The following RYR3 variants were observed in gnomAD, a reference collection of about 807,000 sequenced individuals.
The protein encoded by RYR3 is brain ryanodine receptor-calcium release channel.
A neutral mutation model predicts 584.3 loss-of-function variants in RYR3; 207 were observed. That is an observed-to-expected ratio of 0.35 (90% CI 0.32 to 0.40). The LOEUF (loss-of-function observed/expected upper bound fraction) is 0.40, where lower values mean the gene tolerates loss of function less well. RYR3 is among the 10% of genes least tolerant of loss of function. The pLI is 1.00. For missense variants in RYR3, 5,616 were observed against 6,089.2 expected, an observed-to-expected ratio of 0.92 and a Z score of 2.59; for synonymous variants, 2,416 against 2,248.5, an observed-to-expected ratio of 1.07 and a Z score of -2.11.
In RYR3 at chr15:33,676,038, G is replaced by A. The variant is rs576678293; in HGVS notation, c.5860+5482G>A. On this transcript the variant is annotated intron_variant, in intron 38 of 103. Coordinates refer to ENST00000634891, the MANE Select transcript of RYR3 (RefSeq NM_001036.6). ...AACCTGTGGATATGTTAGGTTAAAT[G>A]GTCAAAAAAAATGCAGATGGAATTA... Among the ~76,000 whole-genome samples the A allele has an allele frequency of 2.0e-5, 3 of 151,900 alleles. No individual in the cohort carries two copies. In the East Asian group the frequency reaches 5.8e-4, roughly 29 times the overall value.
At chr15:33,609,916 C>T (rs930750257) in intron 18 of RYR3, among the ~76,000 whole-genome samples, 2 of 152,150 alleles carry the variant, frequency 1.3e-5, no homozygotes, top group East Asian at 1.9e-4. Flanking sequence ...CAAACCTACA[C>T]ACTCTTCAAC....
At chr15:33,317,032 G>T (rs1968272471) in intron 1 of RYR3, among the ~76,000 whole-genome samples, 2 of 152,174 alleles carry the variant, frequency 1.3e-5, no homozygotes, top group African/African-American at 4.8e-5. Flanking sequence ...GGCCAGGTAG[G>T]CTCCTCCCAG....
At chr15:33,692,188 A>G (rs76601408) in intron 38 of RYR3, among the ~76,000 whole-genome samples, 8,071 of 152,140 alleles carry the variant, frequency 0.053, 513 homozygotes, top group African/African-American at 0.15. Context: ...TAACTTCTGG[A>G]CTCTGGTATG....
intron 38 of RYR3, among the ~76,000 whole-genome samples, chr15:33,675,998 C>A (rs973241649): frequency 3.3e-5 from 5 of 151,988 alleles, no homozygotes; most frequent in African/African-American, 1.2e-4. Context: ...AAGATGTTCA[C>A]ATCCCAATTC....
chr15:33,862,950 T>C (rs1597129888), intron 102 of RYR3, among the ~76,000 whole-genome samples: 5 of 152,250 alleles, frequency 3.3e-5, no homozygotes, highest in Non-Finnish European at 1.5e-5. Context: ...ATAACTTTAC[T>C]GTGCCCTTCC....
chr15:33,677,947 C>T lies in RYR3; in HGVS notation c.5860+7391C>T, dbSNP rs112224057. On this transcript the variant is annotated intron_variant, in intron 38 of 103. Transcript: ENST00000634891. ...GGAGGCTCCATATCCACTACGCCTT[C>T]TGGACACCACCTATTTATAGGAACT... Among the ~76,000 whole-genome samples the T allele has an allele frequency of 2.9e-3, 440 of 152,306 alleles. 2 individuals carry two copies. Among genetic ancestry groups the T allele is most frequent in the African/African-American group, 0.01 (428 of 41,568 alleles).
In RYR3 at chr15:33,390,163, A is replaced by C. The variant is rs1048689517; in HGVS notation, c.51+79067A>C. Among the ~76,000 whole-genome samples the C allele has an allele frequency of 1.3e-5, 2 of 152,250 alleles. No individual in the cohort carries two copies. Among genetic ancestry groups the C allele is most frequent in the African/African-American group, 4.8e-5 (2 of 41,458 alleles). On this transcript the variant is annotated intron_variant, in intron 1 of 103. Coordinates refer to ENST00000634891, the MANE Select transcript of RYR3 (RefSeq NM_001036.6). The surrounding 1 kb of genome is among the most constrained non-coding windows in gnomAD (Gnocchi z 4.2). ...TTCCAAGCAGAGTCTCGCTGCTGGG[A>C]GACAAGAAATGAAATCTCAGTTTTC... is the stretch of plus-strand genomic sequence containing the variant.
chr15:33,645,006 C>T (rs899224756), intron 28 of RYR3, among the ~76,000 whole-genome samples: 6 of 151,534 alleles, frequency 4.0e-5, no homozygotes, highest in African/African-American at 1.2e-4. Context: ...AGAGAGACCT[C>T]GTCTCTTGAA....
At chr15:33,604,026 G>T (rs1389663650) in intron 18 of RYR3, among the ~76,000 whole-genome samples, 1 of 152,200 alleles carries the variant, frequency 6.6e-6, no homozygotes, top group Non-Finnish European at 1.5e-5. Flanking sequence ...TTCTGCCTGG[G>T]TGAAAAACGC....
At chr15:33,782,378 C>G (rs898703862) in intron 65 of RYR3, among the ~76,000 whole-genome samples, 26 of 152,220 alleles carry the variant, frequency 1.7e-4, no homozygotes, top group African/African-American at 6.3e-4. Context: ...TGACTCCCCA[C>G]CATTGCATAT....
Position 33,756,370 on chromosome 15 carries a change from C to T in RYR3, c.8580C>T (p.Ala2860=). The part of the protein sequence containing the change: ...SPRDQEIKFF[A]KVLLPLVDQY... ...GTGACCAGGAGATCAAATTCTTTGC[C>T]AAAGTAAGTGGCCCTGCACTTAATC... The change falls in exon 59 of 104, where the codon GCC becomes GCT. Residue 2860 remains alanine, a synonymous_variant. Coordinates refer to ENST00000634891, the MANE Select transcript of RYR3 (RefSeq NM_001036.6). 1 of 1,570,956 alleles carries T rather than the reference C, an allele frequency of 6.4e-7. No individual in the cohort carries two copies. Among genetic ancestry groups the T allele is most frequent in the East Asian group, 2.3e-5 (1 of 42,956 alleles).
At chr15:33,499,993 A>C (rs570158756) in intron 2 of RYR3, among the ~76,000 whole-genome samples, 1 of 152,346 alleles carries the variant, frequency 6.6e-6, no homozygotes, top group East Asian at 1.9e-4. Context: ...AGTCATTGCA[A>C]TCTGTCTACA....
In RYR3 at chr15:33,508,598, T is replaced by C. The variant is rs187501514; in HGVS notation, c.279+4860T>C. On this transcript the variant is annotated intron_variant, in intron 3 of 103. Transcript: ENST00000634891. ...CTGGGAGGTGGAGCTTGCAGTGAGC[T>C]GAGATTGCACCACTGCACTCCAGAC... Among the ~76,000 whole-genome samples the C allele has an allele frequency of 5.9e-5, 9 of 152,222 alleles. No individual in the cohort carries two copies. In the East Asian group the frequency reaches 1.5e-3, roughly 26 times the overall value.
intron 12 of RYR3, among the ~76,000 whole-genome samples, chr15:33,567,626 G>A (rs962482984): frequency 1.3e-5 from 2 of 152,280 alleles, no homozygotes; most frequent in Non-Finnish European, 2.9e-5. Context: ...GTGGTTTAGG[G>A]AAAATAGGTG....
intron 38 of RYR3, among the ~76,000 whole-genome samples, chr15:33,680,377 C>T (rs768446848): frequency 1.3e-5 from 2 of 152,198 alleles, no homozygotes; most frequent in Non-Finnish European, 2.9e-5. Context: ...GTGAGTTTAG[C>T]GATGGAGCCA....
chr15:33,633,151 A>G lies in RYR3; in HGVS notation c.3027+43A>G, dbSNP rs371905289. 2,531 of 1,601,210 alleles carry G rather than the reference A, an allele frequency of 1.6e-3. 4 individuals carry two copies. The highest frequency in any genetic ancestry group is 2.0e-3 in the Non-Finnish European group (2,377 of 1,171,774). ...AGGCATGCTGGAAAACTTAGAAGAT[A>G]TGATCATCCACGTGCCGTTTTGCTT... On this transcript the variant is annotated intron_variant, in intron 24 of 103. Coordinates refer to ENST00000634891, the MANE Select transcript of RYR3 (RefSeq NM_001036.6).
intron 12 of RYR3, among the ~76,000 whole-genome samples, chr15:33,575,414 A>T (rs1474872090): frequency 6.6e-6 from 1 of 152,200 alleles, no homozygotes; most frequent in Non-Finnish European, 1.5e-5. Context: ...AAATGAAATC[A>T]TAACAGTCTC....
At chr15:33,811,990 T>C (rs1167541600) in intron 72 of RYR3, among the ~76,000 whole-genome samples, 1 of 151,652 alleles carries the variant, frequency 6.6e-6, no homozygotes, top group African/African-American at 2.4e-5. Context: ...GGATAAAATA[T>C]ACTAGGAAAA....
chr15:33,431,866 A>G (rs2045184131), intron 1 of RYR3, among the ~76,000 whole-genome samples: 1 of 152,206 alleles, frequency 6.6e-6, no homozygotes, highest in Admixed American at 6.5e-5. Context: ...CCTAAACCAA[A>G]AAGTAAAGCG....
Sources: gnomAD v4.1 joint callset for allele counts (sites outside exome capture counted in the v4.1 genomes callset) on GRCh38, gnomAD v4.1.1 for gene constraint, Gnocchi (gnomAD v3.1) non-coding constraint, MANE v1.5 for transcripts, NCBI Gene and HGNC (gene_info 2026-07-23, HGNC 2026-07-21) for gene names.